Variants in MAOA observed in about 807,000 individuals in gnomAD.
The protein encoded by MAOA is amine oxidase [flavin-containing] A.
Under a neutral mutation model 42.0 loss-of-function variants are expected in MAOA, and 6 were observed. That is an observed-to-expected ratio of 0.14 (90% CI 0.08 to 0.28). The LOEUF is 0.28. MAOA is among the 10% of genes least tolerant of loss of function. The pLI is 1.00. For synonymous variants in MAOA, 140 were observed against 154.0 expected (o/e 0.91, Z 0.67); for missense variants, 262 against 422.3 (o/e 0.62, Z 3.33).
chrX:43,692,085 A>ATAGTGAAGAAT (rs1476913293), intron 2 of MAOA, among the ~76,000 whole-genome samples: 2 of 109,906 alleles, frequency 1.8e-5, no homozygotes, highest in African/African-American at 6.6e-5. Context: ...AGCTAACAAG[A>ATAGTGAAGAAT]TAGTGAAGAA....
chrX:43,722,380 A>T (rs1030392747), intron 5 of MAOA, among the ~76,000 whole-genome samples: 14 of 112,292 alleles, frequency 1.2e-4, no homozygotes, highest in Non-Finnish European at 1.9e-5. Context: ...AATGGTTGCC[A>T]TTCTAACTGT....
At chrX:43,707,309 C>T (rs1292699712) in intron 3 of MAOA, among the ~76,000 whole-genome samples, 1 of 111,184 alleles carries the variant, frequency 9.0e-6, no homozygotes, top group East Asian at 2.8e-4. Flanking sequence ...GGATACATCC[C>T]TTCATATCTG....
At chrX:43,685,704 A>G (rs1302518082) in intron 2 of MAOA, among the ~76,000 whole-genome samples, 1 of 112,012 alleles carries the variant, frequency 8.9e-6, no homozygotes, top group African/African-American at 3.3e-5. Flanking sequence ...TTTGATAGAA[A>G]TGCAGAATAT....
chrX:43,688,386 T>C (rs774796143), intron 2 of MAOA, among the ~76,000 whole-genome samples: 1 of 112,011 alleles, frequency 8.9e-6, no homozygotes, highest in Non-Finnish European at 1.9e-5. Flanking sequence ...GTTCCAGCAA[T>C]TCTCCCGCCT....
intron 5 of MAOA, among the ~76,000 whole-genome samples, chrX:43,714,233 C>T (rs979639580): frequency 1.0e-4 from 11 of 110,442 alleles, no homozygotes; most frequent in East Asian, 2.9e-4. Flanking sequence ...AGAAACAAGG[C>T]GAGATGGGGA....
At chrX:43,743,559 C>T (rs1454083936) in intron 12 of MAOA, 1 of 424,857 alleles carries the variant, frequency 2.4e-6, no homozygotes, top group African/African-American at 2.5e-5. Flanking sequence ...AGATCAACAT[C>T]CCCTTTAATG....
rs190138190 is a variant in MAOA, at chrX:43,688,140, C to T, written c.168+4533C>T. Among the ~76,000 whole-genome samples, 670 of 112,857 alleles carry T rather than the reference C, an allele frequency of 5.9e-3. 5 individuals carry two copies. The highest frequency in any genetic ancestry group is 0.019 in the African/African-American group (606 of 31,124). ...AATGTCCTGTGAGGCTTTACGTGAC[C>T]TGCTCTGCCAATAACCTCTGTAACC... On this transcript the variant is annotated intron_variant, in intron 2 of 14. Coordinates refer to ENST00000338702, the MANE Select transcript of MAOA (RefSeq NM_000240.4).
chrX:43,742,308 A>C (rs1169221466), intron 12 of MAOA, among the ~76,000 whole-genome samples: 1 of 112,558 alleles, frequency 8.9e-6, no homozygotes, highest in African/African-American at 3.2e-5. Context: ...AGCAAGCTAC[A>C]GTGTCCTCCA....
At chrX:43,712,925 C>G (rs1248696041) in intron 5 of MAOA, 129 bp downstream of exon 5, 3 of 518,196 alleles carry the variant, frequency 5.8e-6, no homozygotes, top group Non-Finnish European at 1.0e-5. Context: ...ATCTTTCAGT[C>G]AATAGCAATG....
chrX:43,742,906 T>C (rs2033970478), intron 12 of MAOA, among the ~76,000 whole-genome samples: 1 of 110,914 alleles, frequency 9.0e-6, no homozygotes, highest in Admixed American at 9.5e-5. Context: ...TAGTCTGTTT[T>C]TTTTTCTTCT....
chrX:43,728,176 T>G lies in MAOA; in HGVS notation c.507T>G (p.Thr169=). The part of the protein sequence containing the change: ...ELIDKICWTK[T]ARRFAYLFVN... Reference sequence around the variant, plus strand: ...TCCACTTTTGTTCTATGAACAGGACTGCTAGGCGGTTTGCTTATCTTTTTG... The same window carrying G: ...TCCACTTTTGTTCTATGAACAGGACGGCTAGGCGGTTTGCTTATCTTTTTG... The change falls in exon 6 of 15, where the codon ACT becomes ACG. Residue 169 remains threonine, a synonymous_variant. Transcript: ENST00000338702. 1 of 1,210,673 alleles carries G rather than the reference T, an allele frequency of 8.3e-7. No individual in the cohort carries two copies. The highest frequency in any genetic ancestry group is 1.1e-6 in the Non-Finnish European group (1 of 894,498).
intron 5 of MAOA, among the ~76,000 whole-genome samples, chrX:43,718,606 G>T (rs1354787066): frequency 9.1e-6 from 1 of 109,825 alleles, no homozygotes; most frequent in Non-Finnish European, 1.9e-5. Context: ...ACTATGGGTG[G>T]TGGGGGAGAC....
upstream of MAOA, chrX:43,656,221 G>A (rs2033177935): frequency 3.3e-6 from 2 of 606,376 alleles, no homozygotes; most frequent in Non-Finnish European, 5.4e-6. Context: ...GCTCCCCCCG[G>A]GTATCAAAAG....
Position 43,656,364 on chromosome X carries a change from G to A in MAOA, c.23G>A (p.Ser8Asn). 1 of 1,211,910 alleles carries A rather than the reference G, an allele frequency of 8.3e-7. No homozygotes were observed. The highest frequency in any genetic ancestry group is 1.8e-5 in the South Asian group (1 of 57,029). The change falls in exon 1 of 15, where the codon AGT becomes AAT. Residue 8 changes from serine (S) to asparagine (N), a missense_variant. This residue lies in a region of MAOA where 141 missense variants were observed against 195.6 expected (regional missense o/e 0.72). Transcript: ENST00000338702. Reference protein sequence around the residue: MENQEKASIAGHMFDVVV... With the variant: MENQEKANIAGHMFDVVV... ...AGCATGGAGAATCAAGAGAAGGCGAGTATCGCGGGCCACATGTTCGACGTA... is the reference window on the plus strand; with the variant it reads ...AGCATGGAGAATCAAGAGAAGGCGAATATCGCGGGCCACATGTTCGACGTA...
At chrX:43,719,543 C>T (rs747112354) in intron 5 of MAOA, among the ~76,000 whole-genome samples, 2 of 109,921 alleles carry the variant, frequency 1.8e-5, no homozygotes, top group South Asian at 7.9e-4. Flanking sequence ...AGGAATGGAC[C>T]ATAGGGGTAG....
At chrX:43,718,138 G>T (rs1466437846) in intron 5 of MAOA, among the ~76,000 whole-genome samples, 1 of 108,779 alleles carries the variant, frequency 9.2e-6, no homozygotes, top group Non-Finnish European at 1.9e-5. Context: ...AGGTATGGGT[G>T]GATGGTATCT....
At chrX:43,725,366 T>C (rs1217409951) in intron 5 of MAOA, among the ~76,000 whole-genome samples, 1 of 112,151 alleles carries the variant, frequency 8.9e-6, no homozygotes, top group Non-Finnish European at 1.9e-5. Context: ...ATTGGGTGCA[T>C]ATGTATTTAG....
At chrX:43,672,034 A>C (rs1391802365) in intron 1 of MAOA, among the ~76,000 whole-genome samples, 5 of 111,570 alleles carry the variant, frequency 4.5e-5, no homozygotes, top group Non-Finnish European at 9.4e-5. Context: ...TACCTTGGGC[A>C]GTATGGCCGG....
chrX:43,667,238 A>C (rs2033290364), intron 1 of MAOA, among the ~76,000 whole-genome samples: 1 of 110,701 alleles, frequency 9.0e-6, no homozygotes, highest in South Asian at 3.9e-4. Context: ...CTCTCCCCTT[A>C]CTCTGCTTTA....
Sources: allele counts gnomAD v4.1 joint callset (sites outside exome capture counted in the v4.1 genomes callset), GRCh38; gene constraint gnomAD v4.1.1; regional missense constraint gnomAD v4.1.1; transcripts MANE v1.5; gene names NCBI Gene and HGNC (gene_info 2026-07-23, HGNC 2026-07-21).